NSG1: variants seen among roughly 807,000 people sequenced by gnomAD.
NSG1 encodes the protein neuronal vesicle trafficking associated 1, also known as neuronal vesicle trafficking-associated protein 1.
A neutral mutation model predicts 19.3 loss-of-function variants in NSG1; 9 were observed. That is an observed-to-expected ratio of 0.47 (90% CI 0.28 to 0.81). The LOEUF (loss-of-function observed/expected upper bound fraction) is 0.81. NSG1 is among the 40% of genes least tolerant of loss of function. NSG1 has a pLI of 0.11. For synonymous variants in NSG1, 104 were observed against 107.0 expected (o/e 0.97, Z 0.17); for missense variants, 236 against 242.4 (o/e 0.97, Z 0.18).
intron 2 of NSG1, among the ~76,000 whole-genome samples, chr4:4,389,162 T>C (rs931893146): frequency 2.0e-5 from 3 of 152,264 alleles, no homozygotes; most frequent in Non-Finnish European, 2.9e-5. Flanking sequence ...TCCCCTCACT[T>C]GGCCTGAGCC....
At chr4:4,414,708 C>T (rs972257950) in intron 4 of NSG1, among the ~76,000 whole-genome samples, 3 of 152,132 alleles carry the variant, frequency 2.0e-5, no homozygotes, top group Non-Finnish European at 2.9e-5. Context: ...AGAGGCTCTT[C>T]GTGGAGCCCA....
chr4:4,392,709 G>A (rs1480813218), intron 3 of NSG1, among the ~76,000 whole-genome samples: 6 of 152,202 alleles, frequency 3.9e-5, no homozygotes, highest in Non-Finnish European at 4.4e-5. Context: ...GGTCCAGCGG[G>A]TCCCATGAGT....
At chr4:4,387,570 C>A in intron 1 of NSG1, 34 bp from the exon 2 acceptor site, 4 of 516,298 alleles carry the variant, frequency 7.7e-6, no homozygotes, top group Non-Finnish European at 1.4e-5. Context: ...CCGGGTCTTG[C>A]TTGTGGTGAC....
intron 3 of NSG1, among the ~76,000 whole-genome samples, chr4:4,404,588 C>G (rs1399818622): frequency 1.3e-5 from 2 of 152,188 alleles, no homozygotes; most frequent in African/African-American, 4.8e-5. Context: ...GGTCGTGGTT[C>G]TCCAAGATGC....
intron 3 of NSG1, among the ~76,000 whole-genome samples, chr4:4,408,784 C>T (rs761171041): frequency 5.9e-5 from 9 of 152,158 alleles, no homozygotes; most frequent in Non-Finnish European, 1.2e-4. Context: ...GACATACTCT[C>T]GTCCCTGCCA....
intron 3 of NSG1, among the ~76,000 whole-genome samples, chr4:4,397,452 C>T (rs956723233): frequency 6.6e-5 from 10 of 152,346 alleles, no homozygotes; most frequent in African/African-American, 2.2e-4. Context: ...CACTGTGCTC[C>T]GTCCTCCATG....
intron 3 of NSG1, among the ~76,000 whole-genome samples, chr4:4,400,267 C>T (rs948605108): frequency 6.6e-6 from 1 of 152,096 alleles, no homozygotes; most frequent in African/African-American, 2.4e-5. Context: ...ATCAGTTGAC[C>T]ATGGACTCAT....
chr4:4,409,522 T>C (rs1156884526), intron 3 of NSG1, 51 bp from the exon 4 acceptor site: 2 of 1,352,528 alleles, frequency 1.5e-6, no homozygotes, highest in Non-Finnish European at 2.1e-6. Flanking sequence ...TGTGTGTGTG[T>C]CTGTCCTGCT....
chr4:4,388,207 A>G (rs899599944), intron 2 of NSG1, among the ~76,000 whole-genome samples: 34 of 152,128 alleles, frequency 2.2e-4, no homozygotes, highest in African/African-American at 8.2e-4. Flanking sequence ...CCTTGGTCAG[A>G]TGGCCCCTCC....
intron 4 of NSG1, among the ~76,000 whole-genome samples, chr4:4,416,314 C>T (rs1425590645): frequency 6.6e-6 from 1 of 152,206 alleles, no homozygotes; most frequent in Non-Finnish European, 1.5e-5. Flanking sequence ...AAGCACATTC[C>T]ATTTGTCATT....
chr4:4,416,973 C>T (rs1204054870), intron 4 of NSG1, among the ~76,000 whole-genome samples: 1 of 152,224 alleles, frequency 6.6e-6, no homozygotes, highest in Non-Finnish European at 1.5e-5. Flanking sequence ...GTAAGGCCTG[C>T]TGTCCCATTA....
intron 3 of NSG1, among the ~76,000 whole-genome samples, chr4:4,398,521 GA>G (rs1723389753): frequency 4.6e-5 from 7 of 152,024 alleles, no homozygotes; most frequent in Admixed American, 3.3e-4. Context: ...ACATGTCATA[GA>G]AATAGAATCT....
At chr4:4,414,982 A>G (rs1724441981) in intron 4 of NSG1, among the ~76,000 whole-genome samples, 1 of 152,150 alleles carries the variant, frequency 6.6e-6, no homozygotes, top group Non-Finnish European at 1.5e-5. Flanking sequence ...TGAAATTACT[A>G]CATGTTTTAT....
chr4:4,418,934 C>G lies in NSG1; in HGVS notation c.*1499C>G, dbSNP rs1257572943. On this transcript the variant is annotated 3_prime_UTR_variant, in exon 5 of 5. Coordinates refer to ENST00000621129, the MANE Select transcript of NSG1 (RefSeq NM_014392.5). ...CGCATCTGAATAGACACAAGTGAAG[C>G]CCGTGTGCGCACAGTGCAGAGGCCG... 6.6e-6 allele frequency: 1 copy of G among 152,178 alleles called. No homozygotes were observed. The highest frequency in any genetic ancestry group is 2.4e-5 in the African/African-American group (1 of 41,426). The allele number at this position is 152,178 out of a possible 1,614,324, so 9.4% of individuals were successfully genotyped here.
At chr4:4,391,638 G>T in intron 3 of NSG1, 47 bp downstream of exon 3, 1 of 1,336,552 alleles carries the variant, frequency 7.5e-7, no homozygotes, top group Non-Finnish European at 1.1e-6. Context: ...CCCCCAGAAG[G>T]GGTCTGCTGA....
intron 3 of NSG1, among the ~76,000 whole-genome samples, chr4:4,400,611 CT>C (rs1228297651): frequency 3.3e-5 from 5 of 152,230 alleles, no homozygotes; most frequent in African/African-American, 1.2e-4. Flanking sequence ...TATTTATATC[CT>C]CTTTAAGTTC....
intron 3 of NSG1, among the ~76,000 whole-genome samples, chr4:4,395,178 GT>G (rs1347329370): frequency 2.0e-5 from 3 of 152,226 alleles, no homozygotes; most frequent in African/African-American, 7.2e-5. Context: ...TTGCTGTGGG[GT>G]GGATGTGAGA....
At chr4:4,405,237 G>A (rs1285848337) in intron 3 of NSG1, among the ~76,000 whole-genome samples, 6 of 152,074 alleles carry the variant, frequency 3.9e-5, no homozygotes, top group Non-Finnish European at 7.4e-5. Context: ...GTCCTCACGC[G>A]GCCCTCTCCC....
chr4:4,389,566 CA>C (rs1330723999), intron 2 of NSG1, among the ~76,000 whole-genome samples: 1 of 152,156 alleles, frequency 6.6e-6, no homozygotes, highest in Non-Finnish European at 1.5e-5. Flanking sequence ...AAGTTTCTGG[CA>C]GTGCCTCTTA....
Sources: gnomAD v4.1 joint callset for allele counts (sites outside exome capture counted in the v4.1 genomes callset) on GRCh38, gnomAD v4.1.1 for gene constraint, MANE v1.5 for transcripts, NCBI Gene and HGNC (gene_info 2026-07-23, HGNC 2026-07-21) for gene names.